Variants in CNTN6 observed in about 807,000 individuals in gnomAD.
The protein encoded by CNTN6 is contactin 6.
A neutral mutation model predicts 122.8 loss-of-function variants in CNTN6; 137 were observed. The ratio of observed to expected loss-of-function variants is 1.12; its 90% confidence interval spans 0.97 to 1.29. CNTN6 has a LOEUF of 1.29. Among genes scored for constraint, CNTN6 ranks in the 50% most tolerant of loss-of-function variants. The pLI is 0.00. For missense variants in CNTN6, 1,634 were observed against 1,223.4 expected, an observed-to-expected ratio of 1.34 and a Z score of -5.01; for synonymous variants, 570 against 426.0, an observed-to-expected ratio of 1.34 and a Z score of -4.16.
intron 16 of CNTN6, among the ~76,000 whole-genome samples, chr3:1,376,546 T>G (rs1311924289): frequency 6.6e-6 from 1 of 152,156 alleles, no homozygotes; most frequent in African/African-American, 2.4e-5. Flanking sequence ...TTACATATTT[T>G]TCAGTATTTA....
At chr3:1,119,258 G>T (rs957624153) in intron 1 of CNTN6, among the ~76,000 whole-genome samples, 1 of 147,854 alleles carries the variant, frequency 6.8e-6, no homozygotes, top group African/African-American at 2.5e-5. Flanking sequence ...TTTATTGATG[G>T]TCTGATTTTA....
At chr3:1,255,429 G>A (rs200622165) in intron 4 of CNTN6, among the ~76,000 whole-genome samples, 7 of 120,934 alleles carry the variant, frequency 5.8e-5, no homozygotes, top group South Asian at 4.6e-4. Context: ...AAAAAAAAAA[G>A]AAAGAAAGAA....
chr3:1,237,342 CA>C (rs1486893496), intron 4 of CNTN6, among the ~76,000 whole-genome samples: 4 of 151,610 alleles, frequency 2.6e-5, no homozygotes, highest in Admixed American at 2.6e-4. Flanking sequence ...CAAAGACAAA[CA>C]ATAATAATAA....
In CNTN6 at chr3:1,303,793, T is replaced by G. The variant is rs187616547; in HGVS notation, c.761+5802T>G. ...AATTGTGGTGTATTTATTAAAAAGC[T>G]TTTTGAACTTTATTTTGATAGGCAG... On this transcript the variant is annotated intron_variant, in intron 7 of 22. Transcript: ENST00000446702. 1.4e-4 allele frequency among the ~76,000 whole-genome samples: 22 copies of G among 152,290 alleles called. 1 individual carries two copies. The East Asian group carries it at 4.3e-3, about 29-fold the overall frequency.
In CNTN6 at chr3:1,351,898, G is replaced by A. The variant is rs76342556; in HGVS notation, c.1365-426G>A. ...GCCACAGAAAATGCTGACAGACCACGTTTAAAAAGACACAGACTAATTGTG... is the reference window on the plus strand; with the variant it reads ...GCCACAGAAAATGCTGACAGACCACATTTAAAAAGACACAGACTAATTGTG... On this transcript the variant is annotated intron_variant, in intron 11 of 22. Coordinates refer to ENST00000446702, the MANE Select transcript of CNTN6 (RefSeq NM_001289080.2). Among the ~76,000 whole-genome samples the A allele has an allele frequency of 4.5e-3, 677 of 151,940 alleles. 5 individuals carry two copies. The highest frequency in any genetic ancestry group is 0.015 in the African/African-American group (621 of 41,508).
intron 1 of CNTN6, among the ~76,000 whole-genome samples, chr3:1,119,322 C>CGTGTGTGTGTGTGTCTGT (rs2091857996): frequency 7.9e-6 from 1 of 126,490 alleles, no homozygotes; most frequent in African/African-American, 3.1e-5. Context: ...ACAGAAAAAT[C>CGTGTGTGTGTGTGTCTGT]GTGTGTGTGT....
At chr3:1,377,295 C>T (rs155855) in intron 17 of CNTN6, among the ~76,000 whole-genome samples, 116,161 of 152,106 alleles carry the variant, frequency 0.76, 44,736 homozygotes, top group African/African-American at 0.87. Context: ...CCCAAATACA[C>T]GAAAAACAAC....
intron 20 of CNTN6, among the ~76,000 whole-genome samples, chr3:1,386,149 C>A (rs1338071812): frequency 6.6e-6 from 1 of 152,124 alleles, no homozygotes; most frequent in African/African-American, 2.4e-5. Context: ...AGTTGCCTAC[C>A]TATAAAATGA....
intron 4 of CNTN6, among the ~76,000 whole-genome samples, chr3:1,230,065 A>C (rs769199192): frequency 1.3e-5 from 2 of 152,154 alleles, no homozygotes; most frequent in African/African-American, 2.4e-5. Context: ...GTCCCCAACC[A>C]AATGGAAAGT....
At chr3:1,267,252 T>C (rs972700244) in intron 4 of CNTN6, among the ~76,000 whole-genome samples, 1 of 152,030 alleles carries the variant, frequency 6.6e-6, no homozygotes, top group Non-Finnish European at 1.5e-5. Context: ...TTTTTCCCTC[T>C]CCCACCATTG....
chr3:1,352,490 A>C (rs1164534742), intron 12 of CNTN6, 39 bp downstream of exon 12: 1 of 1,605,094 alleles, frequency 6.2e-7, no homozygotes, highest in Non-Finnish European at 8.5e-7. Flanking sequence ...TGAACATTGT[A>C]AATATGCAGG....
intron 4 of CNTN6, among the ~76,000 whole-genome samples, chr3:1,265,102 A>G (rs2094907669): frequency 8.3e-6 from 1 of 120,760 alleles, no homozygotes; most frequent in South Asian, 2.5e-4. Flanking sequence ...TATATATGCC[A>G]CATTTTTGTT....
intron 19 of CNTN6, among the ~76,000 whole-genome samples, chr3:1,385,367 TA>T (rs1692716075): frequency 6.6e-6 from 1 of 152,216 alleles, no homozygotes; most frequent in African/African-American, 2.4e-5. Flanking sequence ...TTTATTTTGG[TA>T]ATCTAAAAAA....
At chr3:1,276,501 A>C (rs1466944536) in intron 4 of CNTN6, among the ~76,000 whole-genome samples, 3 of 152,188 alleles carry the variant, frequency 2.0e-5, no homozygotes, top group African/African-American at 7.2e-5. Flanking sequence ...GTACGTACAT[A>C]GCTCACGATA....
At chr3:1,214,138 A>T (rs1844380) in intron 2 of CNTN6, among the ~76,000 whole-genome samples, 1 of 151,780 alleles carries the variant, frequency 6.6e-6, no homozygotes, top group South Asian at 2.1e-4. Flanking sequence ...GTATCCCATT[A>T]TTCCTCTTTC....
At chr3:1,390,485 A>G (rs1693952880) in intron 20 of CNTN6, among the ~76,000 whole-genome samples, 1 of 151,886 alleles carries the variant, frequency 6.6e-6, no homozygotes, top group Non-Finnish European at 1.5e-5. Flanking sequence ...ACACCCTAAC[A>G]TCACAATTAA....
intron 1 of CNTN6, among the ~76,000 whole-genome samples, chr3:1,136,648 G>C (rs931962891): frequency 6.6e-6 from 1 of 152,120 alleles, no homozygotes; most frequent in African/African-American, 2.4e-5. Flanking sequence ...CAGGGTGGGA[G>C]TCCTCAATTT....
At chr3:1,201,089 A>C (rs2093859850) in intron 2 of CNTN6, among the ~76,000 whole-genome samples, 1 of 142,848 alleles carries the variant, frequency 7.0e-6, no homozygotes, top group African/African-American at 2.7e-5. Flanking sequence ...CACTGTGCCC[A>C]GCTAACATTT....
intron 20 of CNTN6, among the ~76,000 whole-genome samples, chr3:1,398,115 G>GT (rs201167923): frequency 0.037 from 5,608 of 152,138 alleles, 115 homozygotes; most frequent in South Asian, 0.056. Context: ...GACAGACTTG[G>GT]TACAAATATC....
Sources: gnomAD v4.1 joint callset for allele counts (sites outside exome capture counted in the v4.1 genomes callset) on GRCh38, gnomAD v4.1.1 for gene constraint, MANE v1.5 for transcripts, NCBI Gene and HGNC (gene_info 2026-07-23, HGNC 2026-07-21) for gene names.